The following KAZN variants were observed in gnomAD, a reference collection of about 807,000 sequenced individuals.
The protein encoded by KAZN is kazrin.
In KAZN, 40 loss-of-function variants were observed where a neutral mutation model predicts 87.4. The ratio of observed to expected loss-of-function variants is 0.46; its 90% CI spans 0.36 to 0.60. The LOEUF is 0.60. Ranked by LOEUF, KAZN falls within the 20% of genes least tolerant of loss-of-function variation. KAZN has a pLI of 0.00. For missense variants in KAZN, 898 were observed against 1,073.9 expected, an observed-to-expected ratio of 0.84 and a Z score of 2.29; for synonymous variants, 466 against 458.3, an observed-to-expected ratio of 1.02 and a Z score of -0.22.
intron 1 of KAZN, among the ~76,000 whole-genome samples, chr1:14,688,599 C>T (rs975010103): frequency 1.3e-5 from 2 of 152,222 alleles, no homozygotes; most frequent in African/African-American, 2.4e-5. Flanking sequence ...AGTACAAAAG[C>T]AGCAGCAAGG....
At chr1:14,306,542 A>G (rs970287081) in intron 2 of KAZN, among the ~76,000 whole-genome samples, 4 of 152,254 alleles carry the variant, frequency 2.6e-5, no homozygotes, top group African/African-American at 9.6e-5. Flanking sequence ...GGACAGTCAT[A>G]AGACTCTGCT....
chr1:13,940,628 A>G (rs1043074427), intron 1 of KAZN, among the ~76,000 whole-genome samples: 2 of 152,226 alleles, frequency 1.3e-5, no homozygotes, highest in African/African-American at 4.8e-5. Context: ...TTGAAAAAAT[A>G]CTATAACTGA....
intron 2 of KAZN, among the ~76,000 whole-genome samples, chr1:15,007,073 A>AG (rs1434223063): frequency 7.8e-4 from 99 of 127,242 alleles, no homozygotes; most frequent in African/African-American, 2.5e-3. Flanking sequence ...AAAAAAAAAA[A>AG]AAAAGAAAAA....
intron 1 of KAZN, among the ~76,000 whole-genome samples, chr1:14,697,754 T>C (rs1641697236): frequency 6.6e-6 from 1 of 152,252 alleles, no homozygotes; most frequent in Admixed American, 6.5e-5. Context: ...AGCTTTGAAC[T>C]TCACGTTTTC....
chr1:14,658,543 C>T (rs1225186072), intron 1 of KAZN, among the ~76,000 whole-genome samples: 1 of 152,118 alleles, frequency 6.6e-6, no homozygotes, highest in African/African-American at 2.4e-5. Flanking sequence ...GCCTCAGTAC[C>T]TATAACCTTT....
At chr1:14,774,022 C>T (rs1645099809) in intron 1 of KAZN, among the ~76,000 whole-genome samples, 1 of 152,236 alleles carries the variant, frequency 6.6e-6, no homozygotes, top group Non-Finnish European at 1.5e-5. Context: ...CCGCCATTTT[C>T]AACTCTGCAT....
chr1:14,123,427 A>G (rs78603207), intron 1 of KAZN, among the ~76,000 whole-genome samples: 2 of 152,042 alleles, frequency 1.3e-5, no homozygotes, highest in Non-Finnish European at 2.9e-5. Context: ...CCCTCCTAGC[A>G]TCTCTGTGAC....
At chr1:14,593,214 G>A (rs1676304971) in intron 2 of KAZN, among the ~76,000 whole-genome samples, 1 of 152,248 alleles carries the variant, frequency 6.6e-6, no homozygotes, top group Non-Finnish European at 1.5e-5. Flanking sequence ...TCCTGGAGAA[G>A]ACTGAATGAA....
chr1:14,488,428 T>C (rs1413599896), intron 2 of KAZN, among the ~76,000 whole-genome samples: 1 of 152,132 alleles, frequency 6.6e-6, no homozygotes, highest in Non-Finnish European at 1.5e-5. Flanking sequence ...GGCTCTAAGG[T>C]GAAATTGCTT....
At chr1:14,233,449 T>G (rs1365917166) in intron 2 of KAZN, among the ~76,000 whole-genome samples, 3 of 152,222 alleles carry the variant, frequency 2.0e-5, no homozygotes, top group African/African-American at 7.2e-5. Context: ...TGCTAAATTC[T>G]ATATTGATTG....
At position 14,110,119 on chromosome 1, in the gene KAZN, C is replaced by A. The variant is rs1252850423; in HGVS notation, c.92-70316C>A. 3.7e-5 allele frequency among the ~76,000 whole-genome samples: 3 copies of A among 82,080 alleles called. 1 individual carries two copies. The highest frequency in any genetic ancestry group is 3.5e-4 in the Admixed American group (3 of 8,608). 53.8% of individuals were successfully genotyped at this position (82,080 alleles called of 152,430 possible). On this transcript the variant is annotated intron_variant, in intron 1 of 16. Transcript: ENST00000636203. ...TATTCATTGCATCAGTGGTGCTGTGCAAATGCACTGTTTTTGAAAAATGCA... is the reference window on the plus strand; with the variant it reads ...TATTCATTGCATCAGTGGTGCTGTGAAAATGCACTGTTTTTGAAAAATGCA...
At chr1:14,635,833 T>G (rs1679937110) in intron 1 of KAZN, among the ~76,000 whole-genome samples, 1 of 152,194 alleles carries the variant, frequency 6.6e-6, no homozygotes, top group African/African-American at 2.4e-5. Context: ...ACAGTGCACA[T>G]GCCAGCCCTC....
At chr1:14,913,457 T>C (rs989545642) in intron 1 of KAZN, among the ~76,000 whole-genome samples, 1 of 152,186 alleles carries the variant, frequency 6.6e-6, no homozygotes, top group African/African-American at 2.4e-5. Flanking sequence ...TCCAAAGATA[T>C]TTAAATAACA....
intron 2 of KAZN, among the ~76,000 whole-genome samples, chr1:14,487,913 G>GTGAT (rs1285181608): frequency 6.6e-6 from 1 of 152,184 alleles, no homozygotes; most frequent in East Asian, 1.9e-4. Context: ...GAACGGAGCA[G>GTGAT]TGATTCAGTT....
At chr1:14,781,277 G>T (rs550212985) in intron 1 of KAZN, among the ~76,000 whole-genome samples, 1 of 152,312 alleles carries the variant, frequency 6.6e-6, no homozygotes, top group African/African-American at 2.4e-5. Context: ...AGCCGAGATC[G>T]CGCCACTGCG....
intron 1 of KAZN, among the ~76,000 whole-genome samples, chr1:14,623,579 T>C (rs1225055399): frequency 6.6e-6 from 1 of 152,188 alleles, no homozygotes; most frequent in Non-Finnish European, 1.5e-5. Flanking sequence ...ACACACAATA[T>C]ACCTAGATAA....
intron 1 of KAZN, among the ~76,000 whole-genome samples, chr1:14,133,236 G>A (rs867338253): frequency 2.6e-5 from 4 of 151,858 alleles, no homozygotes; most frequent in Non-Finnish European, 5.9e-5. Context: ...GCATGGTGGT[G>A]AGCACCTGTA....
At chr1:14,428,180 T>G (rs1665846973) in intron 2 of KAZN, among the ~76,000 whole-genome samples, 1 of 152,228 alleles carries the variant, frequency 6.6e-6, no homozygotes, top group East Asian at 1.9e-4. Context: ...TAGCACATTC[T>G]CTGCTCTTAA....
At chr1:14,351,524 A>T (rs1658549030) in intron 2 of KAZN, among the ~76,000 whole-genome samples, 1 of 152,148 alleles carries the variant, frequency 6.6e-6, no homozygotes, top group Admixed American at 6.6e-5. Context: ...GCACTACTGC[A>T]CTCCAGCCTG....
Sources: allele counts gnomAD v4.1 joint callset (sites outside exome capture counted in the v4.1 genomes callset), GRCh38; gene constraint gnomAD v4.1.1; transcripts MANE v1.5; gene names NCBI Gene and HGNC (gene_info 2026-07-23, HGNC 2026-07-21).